Variants in PHACTR1 observed in about 807,000 individuals in gnomAD.
The protein encoded by PHACTR1 is RPEL repeat containing 1.
Under a neutral mutation model 69.2 loss-of-function variants are expected in PHACTR1, and 16 were observed. The ratio of observed to expected loss-of-function variants is 0.23; its 90% CI spans 0.16 to 0.35. The LOEUF (loss-of-function observed/expected upper bound fraction) is 0.35. Among genes scored for constraint, PHACTR1 ranks in the 10% least tolerant of loss-of-function variants. The pLI, the probability that PHACTR1 is intolerant of heterozygous loss-of-function variation, is 1.00. For synonymous variants in PHACTR1, 312 were observed against 284.5 expected (o/e 1.10, Z -0.97); for missense variants, 510 against 734.7 (o/e 0.69, Z 3.54).
chr6:13,154,056 T>C (rs576824202), intron 5 of PHACTR1, among the ~76,000 whole-genome samples: 1 of 152,338 alleles, frequency 6.6e-6, no homozygotes, highest in East Asian at 1.9e-4. Flanking sequence ...TCAGTAAATT[T>C]AAAGGGTTGT....
intron 10 of PHACTR1, among the ~76,000 whole-genome samples, chr6:13,247,364 T>TGTGTGTGTGTGTGTGA (rs1554171040): frequency 6.7e-5 from 10 of 149,960 alleles, no homozygotes; most frequent in African/African-American, 2.5e-4. Context: ...TGTGTGTGTG[T>TGTGTGTGTGTGTGTGA]GACGGAGTTT....
In PHACTR1 at chr6:13,182,673, C is replaced by T; in HGVS notation, c.651C>T (p.Ile217=). 6.4e-7 allele frequency: 1 copy of T among 1,557,836 alleles called. No individual in the cohort carries two copies. The highest frequency in any genetic ancestry group is 1.4e-5 in the African/African-American group (1 of 72,948). The stretch of plus-strand genomic sequence containing the variant: ...ATGAGGTGCTCCAACCGTCAGACAT[C>T]ATGGATGGGCCAGGTAATGCCCCGG... ...CSYEVLQPSD[I]MDGPDPGAPV... is the part of the protein sequence containing the mutation. Residue 217 remains isoleucine, a synonymous_variant, in exon 7 of 15, where the codon ATC becomes ATT. Transcript: ENST00000332995.
intron 3 of PHACTR1, among the ~76,000 whole-genome samples, chr6:12,743,365 G>T (rs990740325): frequency 2.0e-5 from 3 of 152,078 alleles, no homozygotes; most frequent in African/African-American, 7.2e-5. Flanking sequence ...TACTTGCCCT[G>T]ATTATTTGTA....
chr6:13,184,798 G>T, intron 7 of PHACTR1: 1 of 1,366,508 alleles, frequency 7.3e-7, no homozygotes, highest in Non-Finnish European at 9.8e-7. Flanking sequence ...TGTCCCCTCA[G>T]TGTCTGAAGA....
chr6:12,817,375 T>C (rs1472183288), intron 4 of PHACTR1, among the ~76,000 whole-genome samples: 1 of 152,212 alleles, frequency 6.6e-6, no homozygotes, highest in African/African-American at 2.4e-5. Flanking sequence ...ATAAACATAT[T>C]TGTAGCAATA....
chr6:12,730,500 C>G (rs1763366311), intron 3 of PHACTR1, among the ~76,000 whole-genome samples: 1 of 151,064 alleles, frequency 6.6e-6, no homozygotes, highest in Non-Finnish European at 1.5e-5. Flanking sequence ...AACCTCAATG[C>G]AGCTCAATCA....
chr6:13,171,355 T>C (rs1487663677), intron 6 of PHACTR1, among the ~76,000 whole-genome samples: 1 of 152,088 alleles, frequency 6.6e-6, no homozygotes, highest in African/African-American at 2.4e-5. Context: ...GTTTCTCTAA[T>C]AGGACTACAG....
intron 4 of PHACTR1, among the ~76,000 whole-genome samples, chr6:12,807,652 A>T (rs554792438): frequency 1.3e-5 from 2 of 152,352 alleles, no homozygotes; most frequent in East Asian, 3.9e-4. Context: ...CGACACTCTC[A>T]TACCACCCAG....
At chr6:12,838,410 G>A (rs1275117400) in intron 4 of PHACTR1, among the ~76,000 whole-genome samples, 1 of 152,076 alleles carries the variant, frequency 6.6e-6, no homozygotes, top group Non-Finnish European at 1.5e-5. Flanking sequence ...TCGATTCCTA[G>A]ATTGAAAGAC....
chr6:13,207,020 T>C (rs1397667741), intron 8 of PHACTR1, among the ~76,000 whole-genome samples: 10 of 152,148 alleles, frequency 6.6e-5, no homozygotes, highest in Admixed American at 6.5e-4. Context: ...CATCTTTGCA[T>C]ACGTGTGAGT....
At chr6:13,020,270 A>C (rs1254176591) in intron 4 of PHACTR1, among the ~76,000 whole-genome samples, 1 of 152,230 alleles carries the variant, frequency 6.6e-6, no homozygotes, top group Non-Finnish European at 1.5e-5. Context: ...ATTCAAGAGA[A>C]GTTATATGAT....
At chr6:13,172,603 C>G (rs150591334) in intron 6 of PHACTR1, among the ~76,000 whole-genome samples, 4 of 152,274 alleles carry the variant, frequency 2.6e-5, no homozygotes, top group African/African-American at 4.8e-5. Flanking sequence ...AACAAGCTAC[C>G]CAGGGTCAAT....
intron 6 of PHACTR1, among the ~76,000 whole-genome samples, chr6:13,170,159 C>T (rs1418371330): frequency 3.3e-5 from 5 of 152,132 alleles, no homozygotes; most frequent in African/African-American, 1.2e-4. Flanking sequence ...TTCTTGGTAT[C>T]TTGATGACAG....
At chr6:13,261,457 A>G (rs1053915323) in intron 10 of PHACTR1, among the ~76,000 whole-genome samples, 1 of 152,218 alleles carries the variant, frequency 6.6e-6, no homozygotes, top group Non-Finnish European at 1.5e-5. Context: ...ATGGTGAACA[A>G]GTGAGAGGTT....
At chr6:13,120,388 T>C (rs143958230) in intron 5 of PHACTR1, among the ~76,000 whole-genome samples, 360 of 152,224 alleles carry the variant, frequency 2.4e-3, no homozygotes, top group African/African-American at 8.1e-3. Context: ...ACTGCTGAGA[T>C]AGGACTTCTT....
At chr6:13,209,834 G>T (rs1766536320) in intron 8 of PHACTR1, among the ~76,000 whole-genome samples, 1 of 152,106 alleles carries the variant, frequency 6.6e-6, no homozygotes, top group African/African-American at 2.4e-5. Context: ...ATTTGTATCT[G>T]CCCCTTCCCG....
intron 4 of PHACTR1, among the ~76,000 whole-genome samples, chr6:12,915,483 G>T (rs1318076348): frequency 6.8e-6 from 1 of 148,116 alleles, no homozygotes; most frequent in Admixed American, 6.8e-5. Context: ...CTCCAGCCTG[G>T]GTGATAGAGT....
chr6:12,743,237 C>CATT (rs1405254552), intron 3 of PHACTR1, among the ~76,000 whole-genome samples: 53 of 150,692 alleles, frequency 3.5e-4, no homozygotes, highest in African/African-American at 1.2e-3. Flanking sequence ...ACACTAGAAT[C>CATT]TAATAACAGG....
At chr6:12,905,180 G>T (rs1035471780) in intron 4 of PHACTR1, among the ~76,000 whole-genome samples, 10 of 152,098 alleles carry the variant, frequency 6.6e-5, no homozygotes, top group Non-Finnish European at 2.9e-5. Context: ...TTTCTCCAGG[G>T]GATTCTAATG....
Sources: allele counts gnomAD v4.1 joint callset (sites outside exome capture counted in the v4.1 genomes callset), GRCh38; gene constraint gnomAD v4.1.1; transcripts MANE v1.5; gene names NCBI Gene and HGNC (gene_info 2026-07-23, HGNC 2026-07-21).